AP2B1: variants seen among roughly 807,000 people sequenced by gnomAD.
AP2B1 encodes the protein adaptor related protein complex 2 subunit beta 1.
AP2B1 carries 23 observed loss-of-function variants against 102.0 expected under a neutral mutation model. The observed-to-expected ratio is 0.23, with a 90% CI of 0.16 to 0.32. AP2B1 has a LOEUF of 0.32. Ranked by LOEUF, AP2B1 falls within the 10% of genes least tolerant of loss-of-function variation. AP2B1 has a pLI of 1.00. For synonymous variants in AP2B1, 381 were observed against 421.2 expected (o/e 0.90, Z 1.17); for missense variants, 541 against 1,157.4 (o/e 0.47, Z 7.73).
Position 35,687,467 on chromosome 17 carries a change from A to G in AP2B1, c.2454+4643A>G, listed in dbSNP as rs16971421. ...CCTGTACATGTCCCCACTCACTGCC[A>G]TCATCTACATACTTTTCATGTTCCC... On this transcript the variant is annotated intron_variant, in intron 18 of 21. Transcript: ENST00000610402. Among the ~76,000 whole-genome samples the G allele has an allele frequency of 8.7e-4, 132 of 152,160 alleles. 3 individuals are homozygous for G. The South Asian group carries it at 8.7e-3, about 10-fold the overall frequency.
At chr17:35,587,462 C>T (rs547396858) in intron 1 of AP2B1, 34 bp downstream of exon 1, 3 of 152,650 alleles carry the variant, frequency 2.0e-5, no homozygotes, top group African/African-American at 7.2e-5. Flanking sequence ...AGGGTGTGTC[C>T]CTAATTGACG....
intron 4 of AP2B1, among the ~76,000 whole-genome samples, chr17:35,606,929 G>A (rs2073696563): frequency 1.4e-5 from 2 of 146,938 alleles, no homozygotes; most frequent in South Asian, 2.1e-4. Context: ...TTTGGTGACA[G>A]AATTTCACTC....
chr17:35,601,292 A>G (rs546527710), intron 3 of AP2B1, among the ~76,000 whole-genome samples: 2 of 152,158 alleles, frequency 1.3e-5, no homozygotes, highest in Non-Finnish European at 2.9e-5. Context: ...CATTTTGCGT[A>G]ATTAGGATTC....
At chr17:35,628,183 T>C (rs2142583273) in intron 9 of AP2B1, among the ~76,000 whole-genome samples, 1 of 152,364 alleles carries the variant, frequency 6.6e-6, no homozygotes, top group South Asian at 2.1e-4. Context: ...AGAGAATGTG[T>C]ATAAATGCAA....
rs2073688683 is a variant in AP2B1, at chr17:35,606,703, TG to T, written c.279+865del. The stretch of plus-strand genomic sequence containing the variant: ...TCTGACCTCCAACCCCCTCTCCTGC[TG>T]GATAATTTTAAAGAAATCCTGAACA... On this transcript the variant is annotated intron_variant, in intron 4 of 21. Transcript: ENST00000610402. Among the ~76,000 whole-genome samples the T allele has an allele frequency of 4.6e-5, 7 of 152,284 alleles. No homozygotes were observed. The South Asian group carries it at 1.5e-3, about 32-fold the overall frequency.
At chr17:35,602,769 G>A (rs548624949) in intron 3 of AP2B1, among the ~76,000 whole-genome samples, 5 of 152,284 alleles carry the variant, frequency 3.3e-5, no homozygotes, top group African/African-American at 1.2e-4. Flanking sequence ...ATATTGGAAA[G>A]TTCAGGTTTC....
At chr17:35,682,405 C>T (rs994615765) in intron 17 of AP2B1, among the ~76,000 whole-genome samples, 12 of 126,700 alleles carry the variant, frequency 9.5e-5, no homozygotes, top group African/African-American at 3.4e-4. Context: ...TGCAATGGTG[C>T]GATCTCGGCT....
chr17:35,589,856 G>A lies in AP2B1; in HGVS notation c.-24+2428G>A, dbSNP rs938145060. Among the ~76,000 whole-genome samples, 5 of 151,284 alleles carry A rather than the reference G, an allele frequency of 3.3e-5. 1 individual carries two copies. The highest frequency in any genetic ancestry group is 2.9e-5 in the Non-Finnish European group (2 of 67,872). On this transcript the variant is annotated intron_variant, in intron 1 of 21. Transcript: ENST00000610402. ...CCCCCATAGGAGCAGCTTGATTTTTGAGGCACTTCAGCAAATATTAGATTT... is the reference window on the plus strand; with the variant it reads ...CCCCCATAGGAGCAGCTTGATTTTTAAGGCACTTCAGCAAATATTAGATTT...
intron 13 of AP2B1, among the ~76,000 whole-genome samples, chr17:35,655,143 A>G (rs187512696): frequency 3.3e-4 from 51 of 152,288 alleles, no homozygotes; most frequent in African/African-American, 1.1e-3. Flanking sequence ...GAATATCTTC[A>G]TGTTACTTAT....
chr17:35,620,198 A>G (rs1279695932), intron 5 of AP2B1, among the ~76,000 whole-genome samples: 2 of 152,094 alleles, frequency 1.3e-5, no homozygotes, highest in Admixed American at 6.6e-5. Flanking sequence ...TTTGTAGGCC[A>G]GGTACCTTAT....
At chr17:35,719,027 A>C (rs1208475776) in intron 21 of AP2B1, among the ~76,000 whole-genome samples, 1 of 152,058 alleles carries the variant, frequency 6.6e-6, no homozygotes, top group African/African-American at 2.4e-5. Flanking sequence ...CACTGTCCTA[A>C]ACATAGTTTG....
intron 5 of AP2B1, among the ~76,000 whole-genome samples, chr17:35,613,899 A>G (rs971093672): frequency 5.3e-5 from 8 of 152,256 alleles, no homozygotes; most frequent in South Asian, 2.1e-4. Flanking sequence ...GAATAAGGAA[A>G]CATTTTAGAG....
intron 17 of AP2B1, among the ~76,000 whole-genome samples, chr17:35,678,974 G>A (rs986974784): frequency 1.6e-4 from 23 of 141,618 alleles, no homozygotes; most frequent in Non-Finnish European, 4.7e-5. Flanking sequence ...TTGTTTGTTT[G>A]TTTGTTTTGT....
At chr17:35,682,914 G>A (rs765561556) in intron 18 of AP2B1, 90 bp downstream of exon 18, 19 of 1,254,876 alleles carry the variant, frequency 1.5e-5, no homozygotes, top group Non-Finnish European at 1.9e-5. Context: ...GTCTTACTCT[G>A]TTGCCCAGGC....
chr17:35,636,567 G>T, intron 10 of AP2B1, 111 bp downstream of exon 10: 1 of 734,284 alleles, frequency 1.4e-6, no homozygotes, highest in South Asian at 1.8e-5. Context: ...GGTCATAATA[G>T]GATACTTTAT....
intron 3 of AP2B1, among the ~76,000 whole-genome samples, chr17:35,604,419 TG>T (rs1181106909): frequency 1.3e-5 from 2 of 152,030 alleles, no homozygotes; most frequent in African/African-American, 4.8e-5. Flanking sequence ...TTTTTGTTTT[TG>T]TTTTTGTGTG....
At chr17:35,638,385 C>T (rs1598132022) in intron 10 of AP2B1, among the ~76,000 whole-genome samples, 1 of 152,154 alleles carries the variant, frequency 6.6e-6, no homozygotes, top group East Asian at 1.9e-4. Context: ...ATGGATTCAA[C>T]ATGGTAAGCC....
At position 35,605,839 on chromosome 17, in the gene AP2B1, A is replaced by G. The variant is rs746875747; in HGVS notation, c.278A>G (p.Lys93Arg). The G allele has an allele frequency of 6.2e-7, 1 of 1,608,112 alleles. No homozygotes were observed. The highest frequency in any genetic ancestry group is 1.1e-5 in the South Asian group (1 of 90,048). The stretch of plus-strand genomic sequence containing the variant: ...ATCATGGCTGTAAACAGCTTTGTGA[A>G]GGTAACTTTTCCCAAGGCCTCAATA... ...MAIMAVNSFV[K>R]DCEDPNPLIR... The change falls in exon 4 of 22, where the codon AAG (lysine) becomes AGG (arginine). Residue 93 changes from lysine to arginine, a missense_variant and splice_region_variant. This residue lies in a region of AP2B1 where 28 missense variants were observed against 98.3 expected (regional missense o/e 0.28). Coordinates refer to ENST00000610402, the MANE Select transcript of AP2B1 (RefSeq NM_001030006.2).
At position 35,641,250 on chromosome 17, in the gene AP2B1, T is replaced by C. The variant is rs534315189; in HGVS notation, c.1438-627T>C. ...TGAAAGACTTGCTCAGGAGCCAATT[T>C]TATCACCATCAGTATGTTAACATAT... On this transcript the variant is annotated intron_variant, in intron 11 of 21. Transcript: ENST00000610402. Among the ~76,000 whole-genome samples the C allele has an allele frequency of 5.3e-5, 8 of 152,278 alleles. No individual in the cohort carries two copies. In the South Asian group the frequency reaches 1.7e-3, roughly 32 times the overall value.
Sources: allele counts gnomAD v4.1 joint callset (sites outside exome capture counted in the v4.1 genomes callset), GRCh38; gene constraint gnomAD v4.1.1; regional missense constraint gnomAD v4.1.1; transcripts MANE v1.5; gene names NCBI Gene and HGNC (gene_info 2026-07-23, HGNC 2026-07-21).